The following GRID2 variants were observed in gnomAD, a reference collection of about 807,000 sequenced individuals.
The protein encoded by GRID2 is glutamate receptor ionotropic, delta-2.
A neutral mutation model predicts 114.8 loss-of-function variants in GRID2; 33 were observed. The ratio of observed to expected loss-of-function variants is 0.29; its 90% confidence interval spans 0.22 to 0.38. The LOEUF is 0.38. Among genes scored for constraint, GRID2 ranks in the 10% least tolerant of loss-of-function variants. GRID2 has a pLI of 1.00. For missense variants in GRID2, 1,184 were observed against 1,257.7 expected (o/e 0.94, Z 0.89); for synonymous variants, 505 against 449.9 (o/e 1.12, Z -1.55).
Position 92,934,858 on chromosome 4 carries a change from C to T in GRID2, c.245-150137C>T, listed in dbSNP as rs892139405. 6.1e-5 allele frequency among the ~76,000 whole-genome samples: 9 copies of T among 146,910 alleles called. 1 individual carries two copies. Among genetic ancestry groups the T allele is most frequent in the Admixed American group, 2.9e-4 (4 of 13,582 alleles). On this transcript the variant is annotated intron_variant, in intron 2 of 15. Transcript: ENST00000282020. The stretch of plus-strand genomic sequence containing the variant: ...ATATGTAGAAAGCTGAAACTGGATC[C>T]CTTCCTTACACCTTATACCAAAATT...
At chr4:93,104,098 G>A (rs1016379812) in intron 3 of GRID2, among the ~76,000 whole-genome samples, 2 of 152,010 alleles carry the variant, frequency 1.3e-5, no homozygotes, top group African/African-American at 4.8e-5. Context: ...TCCAAGTGTA[G>A]TGTAATGTTT....
intron 5 of GRID2, among the ~76,000 whole-genome samples, chr4:93,213,298 A>T (rs1010459689): frequency 2.0e-5 from 3 of 152,120 alleles, no homozygotes; most frequent in Non-Finnish European, 4.4e-5. Flanking sequence ...AATTTTATGG[A>T]AGCATCAAAG....
rs1578578629 is a variant in GRID2 at position 92,951,285 on chromosome 4, A to G, written c.245-133710A>G. ...TTGAATAAAAGGAACTTAACAATAG[A>G]TTTTATGTTGTTCTATATAAAATTG... On this transcript the variant is annotated intron_variant, in intron 2 of 15. Coordinates refer to ENST00000282020, the MANE Select transcript of GRID2 (RefSeq NM_001510.4). 2.6e-5 allele frequency among the ~76,000 whole-genome samples: 4 copies of G among 152,014 alleles called. No homozygotes were observed. The South Asian group carries it at 8.3e-4, about 32-fold the overall frequency.
At chr4:93,407,775 CTCA>C (rs1560588648) in intron 9 of GRID2, among the ~76,000 whole-genome samples, 16 of 122,970 alleles carry the variant, frequency 1.3e-4, no homozygotes, top group Middle Eastern at 4.4e-3. Context: ...CCTCCTCCTC[CTCA>C]TCCTCCTCGT....
chr4:93,277,029 A>C (rs1752126255), intron 8 of GRID2, among the ~76,000 whole-genome samples: 1 of 151,906 alleles, frequency 6.6e-6, no homozygotes, highest in Admixed American at 6.6e-5. Context: ...CTATAAGCTT[A>C]TTATCTAGTG....
intron 2 of GRID2, among the ~76,000 whole-genome samples, chr4:92,615,109 A>G (rs1413126703): frequency 1.3e-5 from 2 of 151,610 alleles, no homozygotes; most frequent in African/African-American, 4.8e-5. Context: ...TCCAAGAACA[A>G]TGTGCCAACA....
chr4:92,924,443 T>C (rs1749645199), intron 2 of GRID2, among the ~76,000 whole-genome samples: 1 of 152,048 alleles, frequency 6.6e-6, no homozygotes, highest in South Asian at 2.1e-4. Context: ...AGTGAGGGTC[T>C]GCTGATTTTT....
intron 14 of GRID2, among the ~76,000 whole-genome samples, chr4:93,645,322 G>A (rs907988057): frequency 1.3e-5 from 2 of 152,110 alleles, no homozygotes; most frequent in Non-Finnish European, 2.9e-5. Flanking sequence ...TTTGGTCTAG[G>A]TATGTTGAAC....
intron 2 of GRID2, among the ~76,000 whole-genome samples, chr4:93,033,011 A>C (rs1724578838): frequency 6.6e-6 from 1 of 152,248 alleles, no homozygotes; most frequent in African/African-American, 2.4e-5. Context: ...AACTTGTGTC[A>C]AATGACATAA....
At chr4:92,489,573 C>A (rs991306837) in intron 1 of GRID2, among the ~76,000 whole-genome samples, 7 of 152,228 alleles carry the variant, frequency 4.6e-5, no homozygotes, top group African/African-American at 1.4e-4. Flanking sequence ...GGGCCGGGCA[C>A]GGTGGCTCAC....
intron 2 of GRID2, among the ~76,000 whole-genome samples, chr4:92,593,014 T>C (rs1034489467): frequency 2.0e-5 from 3 of 152,012 alleles, no homozygotes; most frequent in Non-Finnish European, 4.4e-5. Context: ...CAAACTTGTA[T>C]TGAGAGGGAC....
chr4:93,345,312 A>G (rs1357874794), intron 8 of GRID2, among the ~76,000 whole-genome samples: 1 of 151,936 alleles, frequency 6.6e-6, no homozygotes, highest in East Asian at 1.9e-4. Context: ...ATTCTCACCA[A>G]TACTTGTTAT....
chr4:92,746,157 A>G (rs550732152), intron 2 of GRID2, among the ~76,000 whole-genome samples: 2 of 152,120 alleles, frequency 1.3e-5, no homozygotes, highest in Non-Finnish European at 2.9e-5. Flanking sequence ...TTCCTAAAAT[A>G]TCATCACCTT....
chr4:92,797,470 T>G (rs1739941511), intron 2 of GRID2, among the ~76,000 whole-genome samples: 3 of 151,988 alleles, frequency 2.0e-5, no homozygotes, highest in Admixed American at 2.0e-4. Flanking sequence ...TTTGTTTACA[T>G]TTCTTTGGAC....
intron 2 of GRID2, among the ~76,000 whole-genome samples, chr4:92,599,120 T>C (rs1046294582): frequency 6.6e-6 from 1 of 150,552 alleles, no homozygotes; most frequent in Non-Finnish European, 1.5e-5. Flanking sequence ...GAATTATACA[T>C]GTAGTGTAAT....
At position 93,325,735 on chromosome 4, in the gene GRID2, A is replaced by C. The variant is rs541653160; in HGVS notation, c.1246-69872A>C. Among the ~76,000 whole-genome samples, 5 of 152,160 alleles carry C rather than the reference A, an allele frequency of 3.3e-5. No homozygotes were observed. The East Asian group carries it at 9.7e-4, about 29-fold the overall frequency. ...TTCTTTAAACTTATTAAATGTGCTTACTATATGATCTTATCTGATGAAACC... is the reference window on the plus strand; with the variant it reads ...TTCTTTAAACTTATTAAATGTGCTTCCTATATGATCTTATCTGATGAAACC... On this transcript the variant is annotated intron_variant, in intron 8 of 15. Coordinates refer to ENST00000282020, the MANE Select transcript of GRID2 (RefSeq NM_001510.4).
rs115601769 is a variant in GRID2 at position 92,352,538 on chromosome 4, A to G, written c.88+47794A>G. Among the ~76,000 whole-genome samples the G allele has an allele frequency of 4.7e-3, 720 of 151,768 alleles. 13 individuals carry two copies. The East Asian group carries it at 0.05, about 11-fold the overall frequency. ...TAGTTTTATCTAATCCCATCAGTCA[A>G]TTTTTGCTTTCATTGCCAACACAAG... On this transcript the variant is annotated intron_variant, in intron 1 of 15. Transcript: ENST00000282020.
chr4:93,585,401 G>T (rs1383000299), intron 13 of GRID2, among the ~76,000 whole-genome samples: 1 of 152,088 alleles, frequency 6.6e-6, no homozygotes, highest in African/African-American at 2.4e-5. Flanking sequence ...CAATTAAGAT[G>T]TCTATGGTGT....
chr4:92,792,358 T>C (rs1206751496), intron 2 of GRID2, among the ~76,000 whole-genome samples: 1 of 151,584 alleles, frequency 6.6e-6, no homozygotes, highest in Non-Finnish European at 1.5e-5. Flanking sequence ...TGTTCATTAA[T>C]ACCTCGTGTG....
Sources: gnomAD v4.1 joint callset for allele counts (sites outside exome capture counted in the v4.1 genomes callset) on GRCh38, gnomAD v4.1.1 for gene constraint, MANE v1.5 for transcripts, NCBI Gene and HGNC (gene_info 2026-07-23, HGNC 2026-07-21) for gene names.